The following NDST3 variants were observed in gnomAD, a reference collection of about 807,000 sequenced individuals.
NDST3 encodes bifunctional heparan sulfate N-deacetylase/N-sulfotransferase 3.
A neutral mutation model predicts 96.1 loss-of-function variants in NDST3; 58 were observed. The ratio of observed to expected loss-of-function variants is 0.60; its 90% CI spans 0.49 to 0.75. NDST3 has a LOEUF of 0.75. Among genes scored for constraint, NDST3 ranks in the 30% least tolerant of loss-of-function variants. NDST3 has a pLI of 0.00. For synonymous variants in NDST3, 333 were observed against 359.7 expected, an observed-to-expected ratio of 0.93 and a Z score of 0.84; for missense variants, 788 against 1,034.2, an observed-to-expected ratio of 0.76 and a Z score of 3.27.
intron 6 of NDST3, among the ~76,000 whole-genome samples, chr4:118,184,742 T>C (rs371471396): frequency 4.6e-5 from 7 of 152,130 alleles, no homozygotes; most frequent in African/African-American, 1.7e-4. Context: ...AATTTATTAG[T>C]AGAAATGTGC....
At chr4:118,225,693 T>C (rs1458475069) in intron 7 of NDST3, among the ~76,000 whole-genome samples, 1 of 152,232 alleles carries the variant, frequency 6.6e-6, no homozygotes, top group Non-Finnish European at 1.5e-5. Flanking sequence ...AGATTGAAGT[T>C]GTTAACTCTG....
Position 118,253,561 on chromosome 4 carries a change from G to T in NDST3, c.2462G>T (p.Gly821Val), listed in dbSNP as rs1226025925. 5.0e-6 allele frequency: 8 copies of T among 1,612,760 alleles called. No individual in the cohort carries two copies. In the Admixed American group the frequency reaches 6.7e-5, roughly 13 times the overall value. Residue 821 changes from glycine (G) to valine (V), a missense_variant, in exon 13 of 14, where the codon GGA becomes GTA. Physicochemically the swap from Gly to Val is moderately radical, Grantham distance 109 (BLOSUM62 -3). Coordinates refer to ENST00000296499, the MANE Select transcript of NDST3 (RefSeq NM_004784.3). Reference sequence around the variant, plus strand: ...GAAGAAGGTAAAACAAAATGCCTTGGAAAGAGCAAAGGAAGAAAATACCCT... The same window carrying T: ...GAAGAAGGTAAAACAAAATGCCTTGTAAAGAGCAAAGGAAGAAAATACCCT... Reference protein sequence around the residue: ...LLEEGKTKCLGKSKGRKYPPM... With the variant: ...LLEEGKTKCLVKSKGRKYPPM...
At chr4:118,250,039 C>A (rs1046597071) in intron 12 of NDST3, among the ~76,000 whole-genome samples, 2 of 152,124 alleles carry the variant, frequency 1.3e-5, no homozygotes, top group Non-Finnish European at 2.9e-5. Context: ...TATCAGGAGT[C>A]AATTCTTTTT....
chr4:118,042,343 C>A (rs984850677), intron 1 of NDST3, among the ~76,000 whole-genome samples: 1 of 152,106 alleles, frequency 6.6e-6, no homozygotes, highest in Non-Finnish European at 1.5e-5. Context: ...TCTCTCAAAA[C>A]CACCTTAGTC....
At chr4:118,235,584 T>G (rs1006766443) in intron 9 of NDST3, among the ~76,000 whole-genome samples, 8 of 152,202 alleles carry the variant, frequency 5.3e-5, no homozygotes, top group Non-Finnish European at 1.2e-4. Flanking sequence ...TCTGCTCTTT[T>G]GTGTGATTTT....
intron 4 of NDST3, among the ~76,000 whole-genome samples, chr4:118,135,320 C>A (rs563324106): frequency 2.6e-5 from 4 of 152,002 alleles, no homozygotes; most frequent in Admixed American, 2.6e-4. Flanking sequence ...GAGAAAGAAT[C>A]CCAAAATCTA....
intron 4 of NDST3, among the ~76,000 whole-genome samples, chr4:118,123,784 T>C (rs1731810934): frequency 6.6e-6 from 1 of 152,084 alleles, no homozygotes; most frequent in Non-Finnish European, 1.5e-5. Context: ...ACATGCTCAG[T>C]TAAATGAAAA....
chr4:118,173,123 G>A (rs1413727578), intron 6 of NDST3, among the ~76,000 whole-genome samples: 1 of 127,072 alleles, frequency 7.9e-6, no homozygotes, highest in African/African-American at 2.8e-5. Flanking sequence ...ACAACTCTAT[G>A]AGGCATATAT....
intron 2 of NDST3, among the ~76,000 whole-genome samples, chr4:118,103,948 T>C (rs1043328069): frequency 2.6e-5 from 4 of 152,126 alleles, no homozygotes; most frequent in African/African-American, 7.2e-5. Context: ...TCAGGAAGAA[T>C]CTCTTGCATT....
rs529917752 is a variant in NDST3 at position 118,194,676 on chromosome 4, G to T, written c.1540-29815G>T. On this transcript the variant is annotated intron_variant, in intron 6 of 13. Coordinates refer to ENST00000296499, the MANE Select transcript of NDST3 (RefSeq NM_004784.3). ...CAGCATGCCTTCCTCCTGTTTGGGC[G>T]AATGTCCACTCCCTCCATGGGAAGA... 6.3e-6 allele frequency: 4 copies of T among 632,908 alleles called. No homozygotes were observed. In the Admixed American group the frequency reaches 8.8e-5, roughly 14 times the overall value. 39.2% of individuals were successfully genotyped at this position (632,908 alleles called of 1,614,324 possible).
At chr4:118,090,193 T>A (rs894691487) in intron 2 of NDST3, among the ~76,000 whole-genome samples, 21 of 152,004 alleles carry the variant, frequency 1.4e-4, no homozygotes, top group Non-Finnish European at 2.9e-4. Flanking sequence ...AACTAGCACA[T>A]TCCTGCTGAC....
At chr4:118,097,887 C>T (rs1207743870) in intron 2 of NDST3, among the ~76,000 whole-genome samples, 1 of 151,766 alleles carries the variant, frequency 6.6e-6, no homozygotes, top group African/African-American at 2.4e-5. Context: ...ACTTTCCCTT[C>T]TGTTCTTGAC....
At chr4:118,217,460 T>A (rs1649268594) in intron 6 of NDST3, among the ~76,000 whole-genome samples, 1 of 152,124 alleles carries the variant, frequency 6.6e-6, no homozygotes, top group African/African-American at 2.4e-5. Context: ...AATTTTATAC[T>A]TATTTTTCAG....
chr4:118,239,390 G>C (rs1740874393), intron 10 of NDST3, among the ~76,000 whole-genome samples: 1 of 152,106 alleles, frequency 6.6e-6, no homozygotes, highest in South Asian at 2.1e-4. Context: ...ATAGCGAGTG[G>C]AGACATCCTG....
chr4:118,078,585 T>C (rs1727765986), intron 2 of NDST3, among the ~76,000 whole-genome samples: 1 of 152,030 alleles, frequency 6.6e-6, no homozygotes, highest in Non-Finnish European at 1.5e-5. Context: ...ACCCTGTCTC[T>C]ACTAAATACA....
intron 6 of NDST3, among the ~76,000 whole-genome samples, chr4:118,151,761 G>A (rs1284036891): frequency 6.6e-6 from 1 of 152,148 alleles, no homozygotes; most frequent in Non-Finnish European, 1.5e-5. Flanking sequence ...GTTTTCCTAA[G>A]TGACCAGAGA....
Position 118,138,046 on chromosome 4 carries a change from G to T in NDST3, c.1225-8G>T. ...TACACGCTCCAATTAACATTTGCTT[G>T]GTCTTAGGAGCACGGCATTCCAACG... On this transcript the variant is annotated splice_region_variant and splice_polypyrimidine_tract_variant and intron_variant, in intron 4 of 13. Coordinates refer to ENST00000296499, the MANE Select transcript of NDST3 (RefSeq NM_004784.3). 1 of 1,578,010 alleles carries T rather than the reference G, an allele frequency of 6.3e-7. No homozygotes were observed. Among genetic ancestry groups the T allele is most frequent in the South Asian group, 1.2e-5 (1 of 84,798 alleles).
At chr4:118,153,023 A>G (rs1050172509) in intron 6 of NDST3, among the ~76,000 whole-genome samples, 5 of 152,198 alleles carry the variant, frequency 3.3e-5, no homozygotes, top group South Asian at 2.1e-4. Context: ...AGCAACGGCT[A>G]CCTGAGAACC....
intron 4 of NDST3, among the ~76,000 whole-genome samples, chr4:118,116,654 G>A (rs931082723): frequency 6.6e-6 from 1 of 152,006 alleles, no homozygotes. Flanking sequence ...TCAGGAGATC[G>A]AGACCATCCT....
Sources: gnomAD v4.1 joint callset for allele counts (sites outside exome capture counted in the v4.1 genomes callset) on GRCh38, gnomAD v4.1.1 for gene constraint, MANE v1.5 for transcripts, NCBI Gene and HGNC (gene_info 2026-07-23, HGNC 2026-07-21) for gene names.